Variants in SPAG16 observed in about 807,000 individuals in gnomAD.
SPAG16 encodes sperm-associated antigen 16 protein.
SPAG16 carries 86 observed loss-of-function variants against 80.4 expected under a neutral mutation model. That is an observed-to-expected ratio of 1.07 (90% CI 0.90 to 1.28). SPAG16 has a LOEUF of 1.28. SPAG16 is among the 50% of genes most tolerant of loss of function. SPAG16 has a pLI of 0.00. For synonymous variants in SPAG16, 294 were observed against 265.9 expected, an observed-to-expected ratio of 1.11 and a Z score of -1.03; for missense variants, 870 against 765.3, an observed-to-expected ratio of 1.14 and a Z score of -1.61.
At chr2:214,116,134 G>T (rs113300578) in intron 14 of SPAG16, among the ~76,000 whole-genome samples, 2 of 152,150 alleles carry the variant, frequency 1.3e-5, no homozygotes, top group Non-Finnish European at 2.9e-5. Flanking sequence ...TCCTTGTTTG[G>T]CCTTAAACCT....
At chr2:213,287,679 C>G (rs1002702609) in intron 1 of SPAG16, among the ~76,000 whole-genome samples, 10 of 152,154 alleles carry the variant, frequency 6.6e-5, no homozygotes, top group African/African-American at 2.4e-4. Context: ...CAACCCCCAG[C>G]AGCAATTTCT....
intron 10 of SPAG16, among the ~76,000 whole-genome samples, chr2:213,827,296 G>A (rs550363378): frequency 3.3e-5 from 5 of 151,584 alleles, no homozygotes; most frequent in African/African-American, 1.2e-4. Context: ...ATTTTCTATG[G>A]TGATTTGTTT....
At chr2:213,748,021 AC>A (rs1293597083) in intron 10 of SPAG16, among the ~76,000 whole-genome samples, 1 of 152,216 alleles carries the variant, frequency 6.6e-6, no homozygotes, top group East Asian at 1.9e-4. Context: ...TGTTAATAAT[AC>A]CCTTGTCTTT....
At chr2:214,042,996 A>G (rs961047952) in intron 13 of SPAG16, among the ~76,000 whole-genome samples, 1 of 152,138 alleles carries the variant, frequency 6.6e-6, no homozygotes, top group African/African-American at 2.4e-5. Context: ...ACTTATAAGA[A>G]TCTGAGATCT....
chr2:214,194,960 A>G (rs986702214), intron 15 of SPAG16, among the ~76,000 whole-genome samples: 2 of 152,084 alleles, frequency 1.3e-5, no homozygotes, highest in Non-Finnish European at 2.9e-5. Flanking sequence ...AATAAGTAAA[A>G]CATAGCGTGG....
intron 10 of SPAG16, among the ~76,000 whole-genome samples, chr2:213,584,759 A>G (rs1290139308): frequency 2.0e-5 from 3 of 152,142 alleles, no homozygotes; most frequent in Non-Finnish European, 4.4e-5. Context: ...ATTCATCAAT[A>G]TTGTTCACTG....
intron 10 of SPAG16, among the ~76,000 whole-genome samples, chr2:213,522,986 G>A (rs2075739301): frequency 6.6e-6 from 1 of 151,856 alleles, no homozygotes; most frequent in African/African-American, 2.4e-5. Flanking sequence ...ACTATTAATA[G>A]CCCTTGTCTT....
intron 15 of SPAG16, among the ~76,000 whole-genome samples, chr2:214,380,272 A>T (rs1249561097): frequency 6.6e-6 from 1 of 152,224 alleles, no homozygotes; most frequent in Non-Finnish European, 1.5e-5. Flanking sequence ...ACCCAATAAG[A>T]TCATACGAAT....
In SPAG16 at chr2:214,305,349, T is replaced by C. The variant is rs6731015; in HGVS notation, c.1721-104791T>C. Among the ~76,000 whole-genome samples the C allele has an allele frequency of 6.9e-3, 1,052 of 152,340 alleles. 10 individuals are homozygous for C. The highest frequency in any genetic ancestry group is 0.024 in the African/African-American group (1,016 of 41,580). ...TGTTATCTTTGTTGATAATTTTCTT[T>C]TGCTGTGCAGAATCTCTTTAGTTTA... On this transcript the variant is annotated intron_variant, in intron 15 of 15. Coordinates refer to ENST00000331683, the MANE Select transcript of SPAG16 (RefSeq NM_024532.5).
At chr2:214,261,132 A>G (rs1576621594) in intron 15 of SPAG16, among the ~76,000 whole-genome samples, 9 of 41,608 alleles carry the variant, frequency 2.2e-4, no homozygotes, top group African/African-American at 4.7e-4. Context: ...AAAAAAAAAA[A>G]AAAAAAAAAA....
At position 214,010,775 on chromosome 2, in the gene SPAG16, G is replaced by GA. The variant is rs1185496375; in HGVS notation, c.1401-3175dup. 4.1e-4 allele frequency among the ~76,000 whole-genome samples: 60 copies of GA among 146,290 alleles called. 6 individuals carry two copies. The highest frequency in any genetic ancestry group is 7.9e-4 in the Non-Finnish European group (53 of 67,278). On this transcript the variant is annotated intron_variant, in intron 12 of 15. Transcript: ENST00000331683. ...AACACTAGGAAGATGGGGAAGGAGG[G>GA]ACGCTGAGTTTGAGCTTTGTGATTA...
chr2:214,402,659 C>T lies in SPAG16; in HGVS notation c.1721-7481C>T, dbSNP rs768946070. Reference sequence around the variant, plus strand: ...AAATTAAATGACAATTTTTAAATAACATCTTAATATAAAATACTTACCTAA... The same window carrying T: ...AAATTAAATGACAATTTTTAAATAATATCTTAATATAAAATACTTACCTAA... On this transcript the variant is annotated intron_variant, in intron 15 of 15. Coordinates refer to ENST00000331683, the MANE Select transcript of SPAG16 (RefSeq NM_024532.5). Among the ~76,000 whole-genome samples the T allele has an allele frequency of 6.6e-4, 100 of 152,070 alleles. 1 individual carries two copies. Among genetic ancestry groups the T allele is most frequent in the Non-Finnish European group, 1.1e-3 (77 of 67,908 alleles).
chr2:213,796,856 A>G (rs1397464956), intron 10 of SPAG16, among the ~76,000 whole-genome samples: 1 of 152,112 alleles, frequency 6.6e-6, no homozygotes, highest in African/African-American at 2.4e-5. Flanking sequence ...AGTCTCAGGC[A>G]GGTCCTTCAG....
At chr2:213,884,120 A>G (rs527524080) in intron 11 of SPAG16, among the ~76,000 whole-genome samples, 13 of 133,454 alleles carry the variant, frequency 9.7e-5, no homozygotes, top group African/African-American at 3.0e-4. Context: ...TATGTGCCTA[A>G]GTGTGTTTTT....
At position 213,678,025 on chromosome 2, in the gene SPAG16, A is replaced by G. The variant is rs1298762447; in HGVS notation, c.1071-184460A>G. On this transcript the variant is annotated intron_variant, in intron 10 of 15. Coordinates refer to ENST00000331683, the MANE Select transcript of SPAG16 (RefSeq NM_024532.5). The stretch of plus-strand genomic sequence containing the variant: ...ACCTGCTCCTGAATGACTACTGGGT[A>G]CATAACGAAATGAAGGCAGAAATAA... 9.2e-5 allele frequency among the ~76,000 whole-genome samples: 14 copies of G among 152,192 alleles called. No individual in the cohort carries two copies. The East Asian group carries it at 2.7e-3, about 29-fold the overall frequency.
intron 9 of SPAG16, among the ~76,000 whole-genome samples, chr2:213,486,363 A>G (rs1281108346): frequency 2.6e-5 from 4 of 152,104 alleles, no homozygotes; most frequent in Non-Finnish European, 5.9e-5. Flanking sequence ...AATATAATGA[A>G]GAGATGGCTG....
intron 14 of SPAG16, among the ~76,000 whole-genome samples, chr2:214,112,211 G>A (rs999318982): frequency 9.2e-5 from 14 of 152,194 alleles, no homozygotes; most frequent in Non-Finnish European, 1.0e-4. Context: ...TACATTTGCT[G>A]AGGAGTGCTT....
intron 15 of SPAG16, among the ~76,000 whole-genome samples, chr2:214,233,571 A>C (rs1469638366): frequency 6.6e-6 from 1 of 152,084 alleles, no homozygotes; most frequent in African/African-American, 2.4e-5. Context: ...GGAACTAAAA[A>C]GTTGGGTCTA....
chr2:213,968,600 A>G (rs941651293), intron 12 of SPAG16, among the ~76,000 whole-genome samples: 1 of 152,216 alleles, frequency 6.6e-6, no homozygotes, highest in Non-Finnish European at 1.5e-5. Context: ...TGTTTGGGCA[A>G]TGATTAACTA....
Sources: allele counts gnomAD v4.1 joint callset (sites outside exome capture counted in the v4.1 genomes callset), GRCh38; gene constraint gnomAD v4.1.1; transcripts MANE v1.5; gene names NCBI Gene and HGNC (gene_info 2026-07-23, HGNC 2026-07-21).